BRAF: variants seen among roughly 807,000 people sequenced by gnomAD.
BRAF encodes serine/threonine-protein kinase B-raf.
Under a neutral mutation model 104.6 loss-of-function variants are expected in BRAF, and 16 were observed. The observed-to-expected ratio is 0.15, with a 90% CI of 0.10 to 0.23. The LOEUF is 0.23. Ranked by LOEUF, BRAF falls within the 10% of genes least tolerant of loss-of-function variation. The pLI is 1.00. For synonymous variants in BRAF, 310 were observed against 341.6 expected (o/e 0.91, Z 1.02); for missense variants, 541 against 937.3 (o/e 0.58, Z 5.52).
chr7:140,764,412 A>G (rs923906855), intron 14 of BRAF, among the ~76,000 whole-genome samples: 15 of 149,832 alleles, frequency 1.0e-4, no homozygotes, highest in Admixed American at 5.3e-4. Flanking sequence ...CTCTCTCACC[A>G]CTCCTATTCA....
intron 17 of BRAF, among the ~76,000 whole-genome samples, chr7:140,746,317 T>C (rs1797344184): frequency 6.6e-6 from 1 of 151,980 alleles, no homozygotes. Flanking sequence ...GAAAATGCAC[T>C]GAAGGAGGGA....
intron 14 of BRAF, among the ~76,000 whole-genome samples, chr7:140,762,403 C>A (rs1235188514): frequency 6.6e-6 from 1 of 152,162 alleles, no homozygotes; most frequent in African/African-American, 2.4e-5. Flanking sequence ...TGTAGAGGGA[C>A]ACTTATAGCA....
chr7:140,784,138 A>G (rs527510057), intron 10 of BRAF, among the ~76,000 whole-genome samples: 151 of 152,258 alleles, frequency 9.9e-4, no homozygotes, highest in African/African-American at 3.5e-3. Context: ...AAGAAAATAG[A>G]TTCTTTTTAA....
chr7:140,738,523 T>C (rs75927580), intron 18 of BRAF, among the ~76,000 whole-genome samples: 1,524 of 152,334 alleles, frequency 0.01, 63 homozygotes, highest in Admixed American at 0.078. Flanking sequence ...TATCCAGTGC[T>C]ATCAGGAGCT....
At chr7:140,869,397 C>T (rs2129090976) in intron 1 of BRAF, among the ~76,000 whole-genome samples, 1 of 152,266 alleles carries the variant, frequency 6.6e-6, no homozygotes, top group Admixed American at 6.5e-5. Context: ...CTTTGGGAGG[C>T]CAAGGTAGGC....
intron 3 of BRAF, among the ~76,000 whole-genome samples, chr7:140,811,934 A>G (rs1297321110): frequency 6.6e-6 from 1 of 152,206 alleles, no homozygotes; most frequent in Non-Finnish European, 1.5e-5. Flanking sequence ...AACTTAAGTG[A>G]AAGCTCACTT....
In BRAF at chr7:140,749,324, C is replaced by T. The variant is rs2128994377; in HGVS notation, c.2075G>A (p.Gly692Glu). 1 of 1,612,174 alleles carries T rather than the reference C, an allele frequency of 6.2e-7. No individual in the cohort carries two copies. Among genetic ancestry groups the T allele is most frequent in the Non-Finnish European group, 8.5e-7 (1 of 1,179,502 alleles). Residue 692 changes from glycine to glutamate, a missense_variant, in exon 17 of 20, where the codon GGA becomes GAA. This residue lies in a region of BRAF where 129 missense variants were observed against 285.8 expected (regional missense o/e 0.45). Transcript: ENST00000644969. ...FGIVLYELMT[G>E]QLPYSNINNR... ...GTTGATGTTTGAATAAGGTAACTGT[C>T]CAGTCATCAATTCATACAGAACAAT...
chr7:140,856,757 C>A (rs17695623), intron 1 of BRAF, among the ~76,000 whole-genome samples: 8,476 of 152,116 alleles, frequency 0.056, 279 homozygotes, highest in South Asian at 0.11. Context: ...GATATTTGAA[C>A]AGAAGCTGGC....
chr7:140,822,973 C>T (rs1184290667), intron 3 of BRAF, among the ~76,000 whole-genome samples: 1 of 152,106 alleles, frequency 6.6e-6, no homozygotes, highest in Non-Finnish European at 1.5e-5. Flanking sequence ...CAGATGTACA[C>T]CACCACTCCT....
intron 3 of BRAF, among the ~76,000 whole-genome samples, chr7:140,819,686 G>A (rs1219629077): frequency 6.6e-6 from 1 of 152,190 alleles, no homozygotes; most frequent in Non-Finnish European, 1.5e-5. Flanking sequence ...AGGGTACAAT[G>A]TGGATGGACT....
downstream of BRAF, among the ~76,000 whole-genome samples, chr7:140,718,254 C>T (rs1041005996): frequency 2.4e-4 from 36 of 151,742 alleles, no homozygotes; most frequent in African/African-American, 8.7e-4. Context: ...GCCACCATGC[C>T]CAGCTTTTTT....
chr7:140,743,695 T>C (rs7791391), intron 17 of BRAF, among the ~76,000 whole-genome samples: 45,484 of 151,178 alleles, frequency 0.3, 10,866 homozygotes, highest in African/African-American at 0.67. Flanking sequence ...GCACATTGTG[T>C]ACATGTACCC....
chr7:140,916,855 T>C (rs1190909129), intron 1 of BRAF, among the ~76,000 whole-genome samples: 1 of 152,144 alleles, frequency 6.6e-6, no homozygotes, highest in Non-Finnish European at 1.5e-5. Context: ...AAGTCAAAGT[T>C]CTAAAAATCT....
At chr7:140,732,712 T>C (rs1378910188) in intron 19 of BRAF, 3 of 152,134 alleles carry the variant, frequency 2.0e-5, no homozygotes, top group Non-Finnish European at 4.4e-5. Context: ...CAGGATGGCA[T>C]TGAGAAGAAA....
chr7:140,724,308 T>C lies in BRAF; in HGVS notation c.*2186A>G. 9.5e-7 allele frequency: 1 copy of C among 1,056,378 alleles called. No homozygotes were observed. The highest frequency in any genetic ancestry group is 1.1e-6 in the Non-Finnish European group (1 of 873,708). 65.4% of individuals were successfully genotyped at this position (1,056,378 alleles called of 1,614,324 possible). On this transcript the variant is annotated 3_prime_UTR_variant, in exon 20 of 20. Coordinates refer to ENST00000644969, the MANE Select transcript of BRAF (RefSeq NM_001374258.1). ...TTGTTCAAGCCCAGGTCTCTCTACC[T>C]GCGGAAACTTGAAGCCAATCTTGGT...
At chr7:140,752,889 AT>A (rs1382057656) in intron 16 of BRAF, among the ~76,000 whole-genome samples, 2 of 152,294 alleles carry the variant, frequency 1.3e-5, no homozygotes, top group Non-Finnish European at 2.9e-5. Flanking sequence ...TACACAGAAC[AT>A]TTTGAACACA....
At chr7:140,828,792 A>T (rs927162719) in intron 3 of BRAF, among the ~76,000 whole-genome samples, 3 of 152,234 alleles carry the variant, frequency 2.0e-5, no homozygotes, top group African/African-American at 7.2e-5. Context: ...TGGAAGATAC[A>T]GTTCTTGTAA....
intron 3 of BRAF, among the ~76,000 whole-genome samples, chr7:140,820,484 A>G (rs1056696200): frequency 2.0e-5 from 3 of 152,214 alleles, no homozygotes; most frequent in Non-Finnish European, 2.9e-5. Flanking sequence ...ATACATGAAT[A>G]AATATATAAT....
chr7:140,773,096 G>A (rs1398980380), intron 14 of BRAF, among the ~76,000 whole-genome samples: 1 of 152,116 alleles, frequency 6.6e-6, no homozygotes, highest in Non-Finnish European at 1.5e-5. Context: ...AAACTGATAG[G>A]TTTTTTGGAG....
Sources: gnomAD v4.1 joint callset for allele counts (sites outside exome capture counted in the v4.1 genomes callset) on GRCh38, gnomAD v4.1.1 for gene constraint, gnomAD v4.1.1 regional missense constraint, MANE v1.5 for transcripts, NCBI Gene and HGNC (gene_info 2026-07-23, HGNC 2026-07-21) for gene names.